CTNNBIP1: variants seen among roughly 807,000 people sequenced by gnomAD.
The protein encoded by CTNNBIP1 is beta-catenin-interacting protein 1.
A neutral mutation model predicts 11.8 loss-of-function variants in CTNNBIP1; 7 were observed. The observed-to-expected ratio is 0.60, with a 90% confidence interval of 0.34 to 1.12. The LOEUF is 1.12. Ranked by LOEUF, CTNNBIP1 falls within the 50% of genes most tolerant of loss-of-function variation. The probability of loss-of-function intolerance (pLI) is 0.03; values close to 1 mark genes in which losing one functional copy is unlikely to be tolerated. For synonymous variants in CTNNBIP1, 58 were observed against 43.9 expected, an observed-to-expected ratio of 1.32 and a Z score of -1.26; for missense variants, 101 against 113.4, an observed-to-expected ratio of 0.89 and a Z score of 0.50.
rs766579283 is a variant in CTNNBIP1, at chr1:9,872,089, C to CTGCA, written c.-24-5_-24-2dup. ...TCCCCCTGCCTGGCTCTGGGGACTC[C>CTGCA]TGCAGAGCAAGCAACAGCATCAAAA... On this transcript the variant is annotated splice_acceptor_variant, in intron 3 of 5. Transcript: ENST00000377263. LOFTEE classifies it low-confidence loss of function (5UTR_SPLICE). This position sits in a 1 kb window ranked among gnomAD's most constrained non-coding sequence, Gnocchi z 4.0. 75 of 1,559,464 alleles carry CTGCA rather than the reference C, an allele frequency of 4.8e-5. No individual in the cohort carries two copies. Among genetic ancestry groups the CTGCA allele is most frequent in the Non-Finnish European group, 6.5e-5 (74 of 1,130,368 alleles).
At position 9,850,618 on chromosome 1, in the gene CTNNBIP1, G is replaced by A; in HGVS notation, c.*100C>T. On this transcript the variant is annotated 3_prime_UTR_variant, in exon 6 of 6. Coordinates refer to ENST00000377263, the MANE Select transcript of CTNNBIP1 (RefSeq NM_020248.3). The stretch of plus-strand genomic sequence containing the variant: ...AGGGCAGGGTTGGGTAGGGGAAGGG[G>A]GAGGTGGGGCAAGGGGGGCTGCTGC... 1 of 1,056,658 alleles carries A rather than the reference G, an allele frequency of 9.5e-7. No homozygotes were observed. Among genetic ancestry groups the A allele is most frequent in the Non-Finnish European group, 1.5e-6 (1 of 675,870 alleles). The allele number at this position is 1,056,658 out of a possible 1,614,324, so 65.5% of individuals were successfully genotyped here.
chr1:9,863,634 T>G (rs1444635428), intron 5 of CTNNBIP1, among the ~76,000 whole-genome samples: 1 of 152,104 alleles, frequency 6.6e-6, no homozygotes, highest in Admixed American at 6.5e-5. Context: ...GGGGGACTCA[T>G]GTGTGATGGT....
intron 5 of CTNNBIP1, among the ~76,000 whole-genome samples, chr1:9,859,183 C>T (rs1638570764): frequency 6.6e-6 from 1 of 152,330 alleles, no homozygotes; most frequent in South Asian, 2.1e-4. Context: ...CTACCAGACA[C>T]CTCACTAGTC....
chr1:9,866,113 A>G (rs1045594900), intron 5 of CTNNBIP1, among the ~76,000 whole-genome samples: 10 of 152,212 alleles, frequency 6.6e-5, no homozygotes, highest in African/African-American at 2.4e-4. Flanking sequence ...TTCCAAGCTC[A>G]AGGAGCTCAG....
At chr1:9,902,615 G>A (rs1210922173) in intron 1 of CTNNBIP1, among the ~76,000 whole-genome samples, 1 of 152,094 alleles carries the variant, frequency 6.6e-6, no homozygotes, top group East Asian at 1.9e-4. Flanking sequence ...TAGCCACTGG[G>A]GCCAGTGTGC....
intron 5 of CTNNBIP1, among the ~76,000 whole-genome samples, chr1:9,860,093 G>A (rs1385544715): frequency 6.6e-6 from 1 of 152,142 alleles, no homozygotes; most frequent in East Asian, 1.9e-4. Flanking sequence ...GGTGCTCAGA[G>A]GTGGCCAGGG....
rs1362374140 is a variant in CTNNBIP1, at chr1:9,883,282, G to A, written c.-110+423C>T. 6.6e-6 allele frequency among the ~76,000 whole-genome samples: 1 copy of A among 152,224 alleles called. No individual in the cohort carries two copies. The highest frequency in any genetic ancestry group is 1.5e-5 in the Non-Finnish European group (1 of 68,042). On this transcript the variant is annotated intron_variant, in intron 2 of 5. Transcript: ENST00000377263. This position sits in a 1 kb window ranked among gnomAD's most constrained non-coding sequence, Gnocchi z 5.6. ...TCATGTGAAGCCCTGTGTGAGATGT[G>A]TGGAAGGGCAGGTGGGACACCACAG...
intron 1 of CTNNBIP1, among the ~76,000 whole-genome samples, chr1:9,890,860 A>T (rs1639287294): frequency 6.6e-6 from 1 of 152,174 alleles, no homozygotes; most frequent in Non-Finnish European, 1.5e-5. Flanking sequence ...AGTCCCCAAA[A>T]GGCAAATTAA....
intron 5 of CTNNBIP1, among the ~76,000 whole-genome samples, chr1:9,856,059 AAT>A (rs917117220): frequency 1.3e-5 from 2 of 152,130 alleles, no homozygotes; most frequent in African/African-American, 4.8e-5. Context: ...GAGGCACGAG[AAT>A]TGTTTGAACC....
Position 9,872,414 on chromosome 1 carries a change from A to T in CTNNBIP1, c.-24-326T>A, listed in dbSNP as rs1217863684. 6.6e-6 allele frequency among the ~76,000 whole-genome samples: 1 copy of T among 152,234 alleles called. No homozygotes were observed. Among genetic ancestry groups the T allele is most frequent in the East Asian group, 1.9e-4 (1 of 5,192 alleles). On this transcript the variant is annotated intron_variant, in intron 3 of 5. Transcript: ENST00000377263. This position sits in a 1 kb window ranked among gnomAD's most constrained non-coding sequence, Gnocchi z 4.0. ...CTACCTGTGAATCACCCCAGAGCAAAGCTCCTGCTACAAGCCACAGGACAC... is the reference window on the plus strand; with the variant it reads ...CTACCTGTGAATCACCCCAGAGCAATGCTCCTGCTACAAGCCACAGGACAC...
intron 5 of CTNNBIP1, among the ~76,000 whole-genome samples, chr1:9,863,203 C>T (rs1302678452): frequency 6.6e-6 from 1 of 152,206 alleles, no homozygotes; most frequent in Non-Finnish European, 1.5e-5. Flanking sequence ...TTGTTTTTCC[C>T]CCTTTTTCAG....
Position 9,850,562 on chromosome 1 carries a change from C to T in CTNNBIP1, c.*156G>A. On this transcript the variant is annotated 3_prime_UTR_variant, in exon 6 of 6. Transcript: ENST00000377263. Reference sequence around the variant, plus strand: ...CACTGGTGTCTCCCTTGATGCCAGCCCCACTGAGTAGCTGTGAGGTGGGGT... The same window carrying T: ...CACTGGTGTCTCCCTTGATGCCAGCTCCACTGAGTAGCTGTGAGGTGGGGT... 1.5e-6 allele frequency: 1 copy of T among 668,488 alleles called. No homozygotes were observed. Among genetic ancestry groups the T allele is most frequent in the East Asian group, 2.6e-5 (1 of 37,788 alleles). 41.4% of individuals were successfully genotyped at this position (668,488 alleles called of 1,614,324 possible).
Position 9,871,138 on chromosome 1 carries a change from TG to T in CTNNBIP1, c.187+48del. 7.3e-7 allele frequency: 1 copy of T among 1,372,082 alleles called. No homozygotes were observed. The highest frequency in any genetic ancestry group is 1.0e-6 in the Non-Finnish European group (1 of 996,046). The allele number at this position is 1,372,082 out of a possible 1,614,324, so 85.0% of individuals were successfully genotyped here. On this transcript the variant is annotated intron_variant, in intron 5 of 5. Coordinates refer to ENST00000377263, the MANE Select transcript of CTNNBIP1 (RefSeq NM_020248.3). This position sits in a 1 kb window ranked among gnomAD's most constrained non-coding sequence, Gnocchi z 5.2. ...GCTTTCTAAGGGAACCACAAGTCGG[TG>T]CCCCTGGGACTTGTGCCACTGCCCC...
chr1:9,904,755 G>A (rs984341223), intron 1 of CTNNBIP1, among the ~76,000 whole-genome samples: 1 of 152,190 alleles, frequency 6.6e-6, no homozygotes, highest in African/African-American at 2.4e-5. Flanking sequence ...AAGAGTCACT[G>A]CCAAGATAAG....
At chr1:9,906,051 T>C (rs1172037992) in intron 1 of CTNNBIP1, among the ~76,000 whole-genome samples, 1 of 152,254 alleles carries the variant, frequency 6.6e-6, no homozygotes, top group Non-Finnish European at 1.5e-5. Context: ...CAATTTAGCA[T>C]ATACCAAGTG....
intron 1 of CTNNBIP1, among the ~76,000 whole-genome samples, chr1:9,888,799 T>C (rs1639238652): frequency 6.6e-6 from 1 of 152,044 alleles, no homozygotes; most frequent in Admixed American, 6.6e-5. Flanking sequence ...GAGATCAGAG[T>C]AGCCCGCCTG....
At chr1:9,898,243 G>A (rs1420727239) in intron 1 of CTNNBIP1, among the ~76,000 whole-genome samples, 1 of 150,738 alleles carries the variant, frequency 6.6e-6, no homozygotes, top group Non-Finnish European at 1.5e-5. Context: ...AAAGAACAGT[G>A]GGCCGGGCAC....
chr1:9,857,206 C>A (rs867271052), intron 5 of CTNNBIP1, among the ~76,000 whole-genome samples: 1 of 150,084 alleles, frequency 6.7e-6, no homozygotes, highest in Non-Finnish European at 1.5e-5. Context: ...GGTGGCTGGG[C>A]GCGGTGGCTC....
chr1:9,903,864 G>A (rs1279118275), intron 1 of CTNNBIP1, among the ~76,000 whole-genome samples: 1 of 152,144 alleles, frequency 6.6e-6, no homozygotes, highest in Non-Finnish European at 1.5e-5. Flanking sequence ...TTTCTGCTGA[G>A]AATCAGTATA....
Sources: allele counts gnomAD v4.1 joint callset (sites outside exome capture counted in the v4.1 genomes callset), GRCh38; gene constraint gnomAD v4.1.1; non-coding constraint Gnocchi (gnomAD v3.1); transcripts MANE v1.5; gene names NCBI Gene and HGNC (gene_info 2026-07-23, HGNC 2026-07-21).